ZDHHC17: variants seen among roughly 807,000 people sequenced by gnomAD.
The protein encoded by ZDHHC17 is palmitoyltransferase ZDHHC17.
Under a neutral mutation model 90.3 loss-of-function variants are expected in ZDHHC17, and 40 were observed. The observed-to-expected ratio is 0.44, with a 90% CI of 0.34 to 0.58. The LOEUF is 0.58. ZDHHC17 is among the 20% of genes least tolerant of loss of function. ZDHHC17 has a pLI of 0.01. For synonymous variants in ZDHHC17, 235 were observed against 252.4 expected, an observed-to-expected ratio of 0.93 and a Z score of 0.65; for missense variants, 614 against 780.8, an observed-to-expected ratio of 0.79 and a Z score of 2.55.
chr12:76,809,184 TA>T, intron 4 of ZDHHC17, 64 bp downstream of exon 4: 5 of 1,153,712 alleles, frequency 4.3e-6, no homozygotes, highest in South Asian at 3.8e-5. Flanking sequence ...TAAACAACTT[TA>T]AAAAAATGAT....
At chr12:76,776,218 T>A (rs892764105) in intron 1 of ZDHHC17, among the ~76,000 whole-genome samples, 1 of 152,210 alleles carries the variant, frequency 6.6e-6, no homozygotes, top group African/African-American at 2.4e-5. Flanking sequence ...CGATTTATTC[T>A]ATACTGTTGA....
At chr12:76,808,249 C>T (rs966999544) in intron 3 of ZDHHC17, among the ~76,000 whole-genome samples, 12 of 152,124 alleles carry the variant, frequency 7.9e-5, no homozygotes, top group South Asian at 6.2e-4. Context: ...ACCTTGGAAT[C>T]ATTTATATTC....
intron 12 of ZDHHC17, among the ~76,000 whole-genome samples, chr12:76,843,451 A>G (rs1238595453): frequency 1.3e-5 from 2 of 151,948 alleles, no homozygotes; most frequent in African/African-American, 4.8e-5. Context: ...TTTGTATCAG[A>G]ATGTTTATGT....
intron 6 of ZDHHC17, 146 bp from the exon 7 acceptor site, chr12:76,815,708 CATT>C (rs755042193): frequency 1.5e-6 from 1 of 661,048 alleles, no homozygotes; most frequent in Non-Finnish European, 2.3e-6. Context: ...AATATTGTCT[CATT>C]ATTGATTTTA....
In ZDHHC17 at chr12:76,790,003, T is replaced by G. The variant is rs566258693; in HGVS notation, c.94-7431T>G. On this transcript the variant is annotated intron_variant, in intron 1 of 16. Transcript: ENST00000426126. The stretch of plus-strand genomic sequence containing the variant: ...AATGAACTCTGCACAAAGTATGGGC[T>G]TAGTTAATAATAGTGTATCAATATT... Among the ~76,000 whole-genome samples the G allele has an allele frequency of 2.0e-5, 3 of 152,274 alleles. No individual in the cohort carries two copies. The East Asian group carries it at 5.8e-4, about 29-fold the overall frequency.
At chr12:76,812,269 C>T (rs952656104) in intron 5 of ZDHHC17, among the ~76,000 whole-genome samples, 4 of 152,268 alleles carry the variant, frequency 2.6e-5, no homozygotes, top group African/African-American at 9.6e-5. Context: ...TACCTTTGAG[C>T]TCCACTTCTG....
Position 76,849,383 on chromosome 12 carries a change from G to C in ZDHHC17, c.1673G>C (p.Cys558Ser). Residue 558 changes from cysteine to serine, a missense_variant, in exon 16 of 17, where the codon TGT becomes TCT. Coordinates refer to ENST00000426126, the MANE Select transcript of ZDHHC17 (RefSeq NM_015336.4). ...CTTTTTCTTTCCTCTTAGATATCATGTTTAGGTATTACTACAAATGAAAGA... is the reference window on the plus strand; with the variant it reads ...CTTTTTCTTTCCTCTTAGATATCATCTTTAGGTATTACTACAAATGAAAGA... The part of the protein sequence containing the change: ...LLMCQMYQIS[C>S]LGITTNERMN... 7.1e-7 allele frequency: 1 copy of C among 1,408,212 alleles called. No homozygotes were observed. The allele number at this position is 1,408,212 out of a possible 1,614,324, so 87.2% of individuals were successfully genotyped here. A position where few individuals can be genotyped will look rare whatever the true frequency, so the allele number is the denominator to read the frequency against.
In ZDHHC17 at chr12:76,851,702, A is replaced by G. The variant is rs904991405; in HGVS notation, c.*717A>G. 3.9e-5 allele frequency: 6 copies of G among 152,610 alleles called. No homozygotes were observed. Among genetic ancestry groups the G allele is most frequent in the African/African-American group, 1.4e-4 (6 of 41,442 alleles). The allele number at this position is 152,610 out of a possible 1,614,324, so 9.5% of individuals were successfully genotyped here. A position where few individuals can be genotyped will look rare whatever the true frequency, so the allele number is the denominator to read the frequency against. Reference sequence around the variant, plus strand: ...ATAGTAAGTCATGTTTTTTTGTTCAAATTTAAAAGCCCTGCTAATTGCATG... The same window carrying G: ...ATAGTAAGTCATGTTTTTTTGTTCAGATTTAAAAGCCCTGCTAATTGCATG... On this transcript the variant is annotated 3_prime_UTR_variant, in exon 17 of 17. Transcript: ENST00000426126.
chr12:76,781,754 C>CTAAG (rs1305453048), intron 1 of ZDHHC17: 2 of 448,796 alleles, frequency 4.5e-6, no homozygotes, highest in East Asian at 1.4e-4. Context: ...ACAAAATGGA[C>CTAAG]TAAGACAGTA....
intron 1 of ZDHHC17, among the ~76,000 whole-genome samples, chr12:76,789,548 CTG>C (rs767592057): frequency 8.5e-5 from 13 of 152,126 alleles, no homozygotes; most frequent in African/African-American, 2.7e-4. Flanking sequence ...GAGTGACTAA[CTG>C]TGGTTGAAAG....
At chr12:76,814,667 C>T (rs1953063207) in intron 5 of ZDHHC17, among the ~76,000 whole-genome samples, 1 of 151,788 alleles carries the variant, frequency 6.6e-6, no homozygotes, top group Admixed American at 6.6e-5. Flanking sequence ...TAGTGTGTTG[C>T]TTTTTCCACA....
intron 8 of ZDHHC17, 99 bp downstream of exon 8, chr12:76,822,630 C>G (rs11115594): frequency 7.7e-5 from 68 of 881,384 alleles, no homozygotes; most frequent in Non-Finnish European, 1.2e-4. Context: ...TTTTGGCTCA[C>G]TGCAATCCCT....
intron 5 of ZDHHC17, among the ~76,000 whole-genome samples, chr12:76,811,905 C>T (rs1822667837): frequency 6.6e-6 from 1 of 152,088 alleles, no homozygotes; most frequent in African/African-American, 2.4e-5. Flanking sequence ...GACACCTTTG[C>T]TTTCCAATAT....
rs192673151 is a variant in ZDHHC17, at chr12:76,800,322, A to T, written c.197+2785A>T. Among the ~76,000 whole-genome samples the T allele has an allele frequency of 1.5e-4, 23 of 152,316 alleles. No homozygotes were observed. In the East Asian group the frequency reaches 4.4e-3, roughly 29 times the overall value. Reference sequence around the variant, plus strand: ...AAGAGGCACAGTACTACATTTTGATACATAAGTTCAATTCACTTTTAAAAA... The same window carrying T: ...AAGAGGCACAGTACTACATTTTGATTCATAAGTTCAATTCACTTTTAAAAA... On this transcript the variant is annotated intron_variant, in intron 2 of 16. Transcript: ENST00000426126.
intron 7 of ZDHHC17, among the ~76,000 whole-genome samples, chr12:76,821,374 C>T (rs112687272): frequency 1.2e-3 from 180 of 152,084 alleles, no homozygotes; most frequent in African/African-American, 4.2e-3. Context: ...CTGTTGGTGG[C>T]AGTGGTGTGT....
chr12:76,764,181 C>G lies in ZDHHC17; in HGVS notation c.-56C>G, dbSNP rs1466440050. ...CCTCCGGCGGGGCTCGCGCTCGCCC[C>G]GCGCTCGCCCTCCGCCTCGCCCGAG... On this transcript the variant is annotated 5_prime_UTR_variant, in exon 1 of 17. Coordinates refer to ENST00000426126, the MANE Select transcript of ZDHHC17 (RefSeq NM_015336.4). 2.1e-6 allele frequency: 3 copies of G among 1,407,044 alleles called. No homozygotes were observed. The highest frequency in any genetic ancestry group is 1.4e-5 in the South Asian group (1 of 70,434). 87.2% of individuals were successfully genotyped at this position (1,407,044 alleles called of 1,614,324 possible).
intron 3 of ZDHHC17, among the ~76,000 whole-genome samples, chr12:76,806,027 G>A (rs1419742656): frequency 6.6e-6 from 1 of 152,208 alleles, no homozygotes; most frequent in Non-Finnish European, 1.5e-5. Context: ...GAGTCAGGAT[G>A]ATAGGAAATC....
chr12:76,809,775 A>T lies in ZDHHC17; in HGVS notation c.461A>T (p.Asp154Val). The part of the protein sequence containing the change: ...MKYGADPSLI[D>V]GEGCSCIHLA... Reference sequence around the variant, plus strand: ...TATGGTGCAGATCCTTCATTAATTGATGGAGAAGGATGTAGCTGTATTCAT... The same window carrying T: ...TATGGTGCAGATCCTTCATTAATTGTTGGAGAAGGATGTAGCTGTATTCAT... Residue 154 changes from aspartate to valine, a missense_variant, in exon 5 of 17, where the codon GAT becomes GTT. Coordinates refer to ENST00000426126, the MANE Select transcript of ZDHHC17 (RefSeq NM_015336.4). 6.2e-7 allele frequency: 1 copy of T among 1,604,032 alleles called. No individual in the cohort carries two copies. Among genetic ancestry groups the T allele is most frequent in the Non-Finnish European group, 8.5e-7 (1 of 1,175,562 alleles).
chr12:76,806,685 G>A (rs1257418172), intron 3 of ZDHHC17, among the ~76,000 whole-genome samples: 3 of 151,958 alleles, frequency 2.0e-5, no homozygotes, highest in Non-Finnish European at 4.4e-5. Context: ...CGAATTTTTT[G>A]TATTTTTGGT....
Sources: allele counts gnomAD v4.1 joint callset (sites outside exome capture counted in the v4.1 genomes callset), GRCh38; gene constraint gnomAD v4.1.1; transcripts MANE v1.5; gene names NCBI Gene and HGNC (gene_info 2026-07-23, HGNC 2026-07-21).